The following MROH1 variants were observed in gnomAD, a reference collection of about 807,000 sequenced individuals.
The protein encoded by MROH1 is maestro heat-like repeat-containing protein family member 1.
Under a neutral mutation model 116.5 loss-of-function variants are expected in MROH1, and 117 were observed. That is an observed-to-expected ratio of 1.00 (90% CI 0.86 to 1.17). MROH1 has a LOEUF of 1.17. Ranked by LOEUF, MROH1 falls within the 50% of genes most tolerant of loss-of-function variation. The probability of loss-of-function intolerance (pLI) is 0.00; values close to 1 mark genes in which losing one functional copy is unlikely to be tolerated. For synonymous variants in MROH1, 921 were observed against 583.9 expected (o/e 1.58, Z -8.32); for missense variants, 1,873 against 1,338.5 (o/e 1.40, Z -6.23).
intron 33 of MROH1, among the ~76,000 whole-genome samples, chr8:144,253,038 C>T (rs1843100332): frequency 6.6e-6 from 1 of 150,830 alleles, no homozygotes; most frequent in Non-Finnish European, 1.5e-5. Flanking sequence ...TCTGTAATCC[C>T]AGCTACTCAG....
At chr8:144,246,234 G>A (rs1271898552) in intron 29 of MROH1, among the ~76,000 whole-genome samples, 1 of 151,532 alleles carries the variant, frequency 6.6e-6, no homozygotes, top group Non-Finnish European at 1.5e-5. Context: ...CCAGCCTCCC[G>A]AGTAGCTGGG....
intron 10 of MROH1, among the ~76,000 whole-genome samples, chr8:144,197,326 C>T (rs1335639446): frequency 6.6e-6 from 1 of 150,846 alleles, no homozygotes; most frequent in Non-Finnish European, 1.5e-5. Flanking sequence ...ACATTGATCT[C>T]TCCATAAGGC....
At chr8:144,184,470 A>T (rs1826448919) in intron 7 of MROH1, among the ~76,000 whole-genome samples, 1 of 152,242 alleles carries the variant, frequency 6.6e-6, no homozygotes, top group Non-Finnish European at 1.5e-5. Flanking sequence ...TGGATTGATG[A>T]GATACAGGAT....
intron 1 of MROH1, among the ~76,000 whole-genome samples, chr8:144,153,819 G>A (rs2130580144): frequency 6.6e-6 from 1 of 152,270 alleles, no homozygotes; most frequent in East Asian, 1.9e-4. Flanking sequence ...GGAGTGCAGT[G>A]GCACGATCTT....
intron 1 of MROH1, among the ~76,000 whole-genome samples, chr8:144,158,904 A>G (rs575036065): frequency 4.3e-4 from 66 of 152,218 alleles, no homozygotes; most frequent in African/African-American, 1.3e-3. Flanking sequence ...ACGCCCAGCT[A>G]GTTTTTGTAT....
At chr8:144,175,375 C>A in intron 4 of MROH1, 1 of 532,530 alleles carries the variant, frequency 1.9e-6, no homozygotes, top group Non-Finnish European at 2.4e-6. Flanking sequence ...CAGGTCTGGT[C>A]GGATGGGTAT....
At chr8:144,232,881 T>C (rs1554823343) in intron 14 of MROH1, among the ~76,000 whole-genome samples, 1 of 151,294 alleles carries the variant, frequency 6.6e-6, no homozygotes, top group African/African-American at 2.4e-5. Flanking sequence ...GGTTGGAGTA[T>C]AGTGATGCAA....
chr8:144,187,096 CAA>C (rs142746653), intron 7 of MROH1, among the ~76,000 whole-genome samples: 10 of 118,006 alleles, frequency 8.5e-5, no homozygotes, highest in African/African-American at 1.5e-4. Context: ...AGACTGTCTC[CAA>C]AAAAAAAAAA....
At chr8:144,179,665 C>A in intron 5 of MROH1, 79 bp downstream of exon 5, 1 of 1,527,102 alleles carries the variant, frequency 6.5e-7, no homozygotes, top group Non-Finnish European at 8.9e-7. Context: ...TTCTACCCAG[C>A]AGCCTTGAGA....
intron 10 of MROH1, among the ~76,000 whole-genome samples, chr8:144,195,624 G>T (rs545368336): frequency 1.1e-4 from 17 of 151,526 alleles, no homozygotes; most frequent in African/African-American, 3.9e-4. Context: ...TTACAGATGT[G>T]AGCCACTGCA....
rs782182419 is a variant in MROH1, at chr8:144,232,474, GTTTATTTATTTA to G, written c.1339-6258_1339-6247del. Among the ~76,000 whole-genome samples the G allele has an allele frequency of 9.1e-4, 130 of 142,748 alleles. 1 individual carries two copies. The highest frequency in any genetic ancestry group is 3.4e-4 in the Non-Finnish European group (22 of 64,230). The allele number at this position is 142,748 out of a possible 152,430, so 93.6% of individuals were successfully genotyped here. A position where few individuals can be genotyped will look rare whatever the true frequency, so the allele number is the denominator to read the frequency against. On this transcript the variant is annotated intron_variant, in intron 14 of 43. Transcript: ENST00000326134. ...ATTAGATTGAGTGCTTTGTTTGTTT[GTTTATTTATTTA>G]TTTATTTATTTATTTATTTATTTTT...
Position 144,245,273 on chromosome 8 carries a change from GTCCCTGGCCCGGGTGCTGCTGCCTGTGT to G in MROH1, c.2871+15_2871+42del. Reference sequence around the variant, plus strand: ...CCTGCGTGTCAGCGTGAGTACCTGGGTCCCTGGCCCGGGTGCTGCTGCCTGTGTTACTCATGACCCAGAGTGTGAGCTG... The same window carrying G: ...CCTGCGTGTCAGCGTGAGTACCTGGGTACTCATGACCCAGAGTGTGAGCTG... On this transcript the variant is annotated intron_variant, in intron 29 of 43. Coordinates refer to ENST00000326134, the MANE Select transcript of MROH1 (RefSeq NM_032450.3). 6 of 775,546 alleles carry G rather than the reference GTCCCTGGCCCGGGTGCTGCTGCCTGTGT, an allele frequency of 7.7e-6. No individual in the cohort carries two copies. The highest frequency in any genetic ancestry group is 1.4e-5 in the Non-Finnish European group (6 of 417,716). 48.0% of individuals were successfully genotyped at this position (775,546 alleles called of 1,614,324 possible). A position where few individuals can be genotyped will look rare whatever the true frequency, so the allele number is the denominator to read the frequency against.
chr8:144,196,120 C>A (rs1193679267), intron 10 of MROH1, among the ~76,000 whole-genome samples: 1 of 151,608 alleles, frequency 6.6e-6, no homozygotes, highest in African/African-American at 2.4e-5. Flanking sequence ...GAAACCCTGT[C>A]TCTACTGAAA....
chr8:144,178,000 T>G (rs1457348002), intron 4 of MROH1, among the ~76,000 whole-genome samples: 1 of 151,396 alleles, frequency 6.6e-6, no homozygotes, highest in Admixed American at 6.6e-5. Flanking sequence ...AGTCTTGCTC[T>G]GTCGCCCAGG....
At chr8:144,221,886 C>T (rs2132405818) in intron 13 of MROH1, among the ~76,000 whole-genome samples, 1 of 152,198 alleles carries the variant, frequency 6.6e-6, no homozygotes, top group African/African-American at 2.4e-5. Flanking sequence ...GAGGCGTGGT[C>T]ACGATGCTGG....
chr8:144,192,351 C>G lies in MROH1; in HGVS notation c.898C>G (p.Arg300Gly), dbSNP rs1275956825. The G allele has an allele frequency of 6.2e-7, 1 of 1,600,264 alleles. No homozygotes were observed. The highest frequency in any genetic ancestry group is 1.7e-5 in the Admixed American group (1 of 58,572). Residue 300 changes from arginine to glycine, a missense_variant, in exon 10 of 44, where the codon CGC becomes GGC. Arg to Gly is a moderately radical substitution (Grantham distance 125). Coordinates refer to ENST00000326134, the MANE Select transcript of MROH1 (RefSeq NM_032450.3). ...CGAGGCAGCTGTGAGTGTGGGCAGC[C>G]GCACACTGGAGACCCAGCTGGATGC... ...ILEAAVSVGS[R>G]TLETQLDALL...
At chr8:144,215,754 T>A (rs1239185799) in intron 12 of MROH1, among the ~76,000 whole-genome samples, 2 of 151,092 alleles carry the variant, frequency 1.3e-5, no homozygotes, top group African/African-American at 4.9e-5. Context: ...GCACCTGTAG[T>A]CCCAGCTACT....
chr8:144,257,527 G>A (rs1279219217), intron 35 of MROH1, among the ~76,000 whole-genome samples: 3 of 152,178 alleles, frequency 2.0e-5, no homozygotes, highest in Non-Finnish European at 4.4e-5. Flanking sequence ...CCGTCCAGAA[G>A]CCTCATGGGG....
intron 10 of MROH1, 136 bp downstream of exon 10, chr8:144,192,537 G>A (rs1828897348): frequency 2.6e-6 from 2 of 755,354 alleles, no homozygotes; most frequent in South Asian, 1.5e-5. Flanking sequence ...ATTCCCTGAA[G>A]GTCACTCGGG....
Sources: gnomAD v4.1 joint callset for allele counts (sites outside exome capture counted in the v4.1 genomes callset) on GRCh38, gnomAD v4.1.1 for gene constraint, MANE v1.5 for transcripts, NCBI Gene and HGNC (gene_info 2026-07-23, HGNC 2026-07-21) for gene names.